Variants in ACSM4 observed in about 807,000 individuals in gnomAD.
ACSM4 encodes the protein acyl-coenzyme A synthetase ACSM4, mitochondrial.
In ACSM4, 66 loss-of-function variants were observed where a neutral mutation model predicts 73.0. The observed-to-expected ratio is 0.90, with a 90% CI of 0.74 to 1.11. The LOEUF (loss-of-function observed/expected upper bound fraction) is 1.11, where lower values mean the gene tolerates loss of function less well. ACSM4 is among the 50% of genes least tolerant of loss of function. The pLI is 0.00. For missense variants in ACSM4, 645 were observed against 714.4 expected, an observed-to-expected ratio of 0.90 and a Z score of 1.11; for synonymous variants, 222 against 254.0, an observed-to-expected ratio of 0.87 and a Z score of 1.20.
chr12:7,307,885 A>G (rs1428846455), intron 2 of ACSM4, among the ~76,000 whole-genome samples: 3 of 152,224 alleles, frequency 2.0e-5, no homozygotes, highest in Non-Finnish European at 4.4e-5. Context: ...GCTCTAAAAC[A>G]TGGCATAAAT....
chr12:7,323,152 T>G lies in ACSM4; in HGVS notation c.1126-82T>G, dbSNP rs145890307. On this transcript the variant is annotated intron_variant, in intron 7 of 12. Transcript: ENST00000399422. ...TGCATACCAGGAAAATCAGTCAAAATCAAATCTTAATTTTCATTGCCATGA... is the reference window on the plus strand; with the variant it reads ...TGCATACCAGGAAAATCAGTCAAAAGCAAATCTTAATTTTCATTGCCATGA... The G allele has an allele frequency of 2.8e-3, 3,714 of 1,349,742 alleles. 9 individuals are homozygous for G. Among genetic ancestry groups the G allele is most frequent in the Non-Finnish European group, 3.3e-3 (3,219 of 977,778 alleles). 83.6% of individuals were successfully genotyped at this position (1,349,742 alleles called of 1,614,324 possible).
intron 5 of ACSM4, chr12:7,318,649 C>G (rs2136333310): frequency 6.5e-6 from 1 of 152,836 alleles, no homozygotes; most frequent in African/African-American, 2.4e-5. Flanking sequence ...ATTCTCAGAA[C>G]CCGATACTCT....
At chr12:7,315,869 G>A (rs940295334) in intron 3 of ACSM4, among the ~76,000 whole-genome samples, 1 of 152,160 alleles carries the variant, frequency 6.6e-6, no homozygotes, top group Non-Finnish European at 1.5e-5. Context: ...CAGGCTGGCT[G>A]CCAGCTGAAG....
intron 3 of ACSM4, among the ~76,000 whole-genome samples, chr12:7,315,288 C>T (rs1946414602): frequency 6.6e-6 from 1 of 151,986 alleles, no homozygotes; most frequent in African/African-American, 2.4e-5. Flanking sequence ...CATCCTTAAC[C>T]CTGTTCCCTT....
At chr12:7,309,515 A>G (rs1946378927) in intron 2 of ACSM4, among the ~76,000 whole-genome samples, 1 of 152,234 alleles carries the variant, frequency 6.6e-6, no homozygotes, top group South Asian at 2.1e-4. Flanking sequence ...AGATAAAAGC[A>G]TTAAAAGAAT....
rs1330558851 is a variant in ACSM4 at position 7,304,577 on chromosome 12, C to T, written c.201+45C>T. On this transcript the variant is annotated intron_variant, in intron 1 of 12. Transcript: ENST00000399422. ...CAGTAGATGCTTGGTGTCCCCTTAT[C>T]TCTCAGTCTTCCATTTCCTTGTTCT... 5 of 1,557,902 alleles carry T rather than the reference C, an allele frequency of 3.2e-6. No homozygotes were observed. In the African/African-American group the frequency reaches 5.4e-5, roughly 17 times the overall value.
In ACSM4 at chr12:7,328,347, A is replaced by C. The variant is rs777542100; in HGVS notation, c.1717A>C (p.Arg573=). Residue 573 remains arginine, a synonymous_variant, in exon 13 of 13, where the codon AGA becomes CGA. Coordinates refer to ENST00000399422, the MANE Select transcript of ACSM4 (RefSeq NM_001080454.2). ...ITGKIKRNVL[R]DQEWRGR is the part of the protein sequence containing the mutation. ...TGGGAAAATCAAACGCAACGTTTTAAGAGACCAAGAATGGAGAGGAAGATA... is the reference window on the plus strand; with the variant it reads ...TGGGAAAATCAAACGCAACGTTTTACGAGACCAAGAATGGAGAGGAAGATA... 1 of 1,593,860 alleles carries C rather than the reference A, an allele frequency of 6.3e-7. No individual in the cohort carries two copies. The highest frequency in any genetic ancestry group is 2.3e-5 in the East Asian group (1 of 44,236).
intron 4 of ACSM4, 39 bp downstream of exon 4, chr12:7,317,319 C>G: frequency 6.6e-7 from 1 of 1,526,478 alleles, no homozygotes; most frequent in Middle Eastern, 1.7e-4. Context: ...GTGAACTCCC[C>G]CAAAGCTGCG....
chr12:7,310,412 T>C (rs1235180733), intron 2 of ACSM4, 127 bp from the exon 3 acceptor site: 2 of 900,564 alleles, frequency 2.2e-6, no homozygotes, highest in African/African-American at 1.6e-5. Context: ...TCCTTGGGCA[T>C]CAAGGCAGAG....
At chr12:7,305,256 G>A (rs1946355851) in intron 1 of ACSM4, among the ~76,000 whole-genome samples, 1 of 152,104 alleles carries the variant, frequency 6.6e-6, no homozygotes, top group Non-Finnish European at 1.5e-5. Context: ...AAAATTTAAT[G>A]GCATAGTTTT....
intron 3 of ACSM4, among the ~76,000 whole-genome samples, chr12:7,314,535 T>C (rs923159112): frequency 6.6e-6 from 1 of 152,018 alleles, no homozygotes; most frequent in Non-Finnish European, 1.5e-5. Context: ...GATTGATAAG[T>C]AGGTAGGTAG....
intron 3 of ACSM4, among the ~76,000 whole-genome samples, chr12:7,311,530 T>C (rs1242427233): frequency 5.9e-5 from 9 of 152,222 alleles, no homozygotes; most frequent in Admixed American, 3.3e-4. Context: ...AGCCACTCTA[T>C]TACAACGTCC....
chr12:7,328,119 C>T (rs1265061662), intron 12 of ACSM4, among the ~76,000 whole-genome samples, 168 bp from the exon 13 acceptor site: 2 of 152,172 alleles, frequency 1.3e-5, no homozygotes, highest in Non-Finnish European at 2.9e-5. Flanking sequence ...CACTATCACC[C>T]TTCCTACATA....
At chr12:7,327,242 T>G in intron 12 of ACSM4, 147 bp downstream of exon 12, 1 of 1,022,806 alleles carries the variant, frequency 9.8e-7, no homozygotes, top group South Asian at 1.8e-5. Flanking sequence ...GAATTTTGCT[T>G]TAAAATGTTT....
At chr12:7,312,699 A>G (rs1946398046) in intron 3 of ACSM4, among the ~76,000 whole-genome samples, 1 of 152,232 alleles carries the variant, frequency 6.6e-6, no homozygotes, top group East Asian at 1.9e-4. Flanking sequence ...TGATGATAGT[A>G]TCTACCTCAT....
intron 3 of ACSM4, among the ~76,000 whole-genome samples, chr12:7,313,573 T>C (rs752542105): frequency 2.0e-4 from 31 of 152,314 alleles, no homozygotes; most frequent in African/African-American, 6.5e-4. Flanking sequence ...AGAATATTCA[T>C]AATAGGATAA....
Position 7,310,589 on chromosome 12 carries a change from T to C in ACSM4, c.463T>C (p.Tyr155His). 1 of 1,612,298 alleles carries C rather than the reference T, an allele frequency of 6.2e-7. No individual in the cohort carries two copies. The highest frequency in any genetic ancestry group is 8.5e-7 in the Non-Finnish European group (1 of 1,179,420). ...TIQLTAKDIL[Y>H]RLRASKAKCI... Reference sequence around the variant, plus strand: ...CCAGCTGACAGCAAAAGACATCCTCTACCGGCTGCGAGCATCCAAGGCCAA... The same window carrying C: ...CCAGCTGACAGCAAAAGACATCCTCCACCGGCTGCGAGCATCCAAGGCCAA... Residue 155 changes from tyrosine (Y) to histidine (H), a missense_variant, in exon 3 of 13, where the codon TAC becomes CAC. Physicochemically the swap from Tyr to His is moderately conservative, Grantham distance 83 (BLOSUM62 2). Coordinates refer to ENST00000399422, the MANE Select transcript of ACSM4 (RefSeq NM_001080454.2).
chr12:7,324,155 C>CA (rs34096837), intron 9 of ACSM4, 118 bp from the exon 10 acceptor site: 146,234 of 934,240 alleles, frequency 0.16, 676 homozygotes, highest in Middle Eastern at 0.17. Flanking sequence ...GACTCTGTCT[C>CA]AAAAAAAAAA....
intron 3 of ACSM4, 71 bp downstream of exon 3, chr12:7,310,817 T>C: frequency 2.1e-6 from 3 of 1,460,562 alleles, no homozygotes; most frequent in Non-Finnish European, 1.9e-6. Flanking sequence ...TGGAATCTCT[T>C]TGCCTCCAAG....
Sources: gnomAD v4.1 joint callset for allele counts (sites outside exome capture counted in the v4.1 genomes callset) on GRCh38, gnomAD v4.1.1 for gene constraint, MANE v1.5 for transcripts, NCBI Gene and HGNC (gene_info 2026-07-23, HGNC 2026-07-21) for gene names.